The following OR4D2 variants were observed in gnomAD, a reference collection of about 807,000 sequenced individuals.
The protein encoded by OR4D2 is olfactory receptor family 4 subfamily D member 2.
In OR4D2, 9 loss-of-function variants were observed where a neutral mutation model predicts 12.4. The ratio of observed to expected loss-of-function variants is 0.73; its 90% CI spans 0.44 to 1.27. The LOEUF (loss-of-function observed/expected upper bound fraction) is 1.27. Among genes scored for constraint, OR4D2 ranks in the 50% most tolerant of loss-of-function variants. OR4D2 has a pLI of 0.00. For missense variants in OR4D2, 373 were observed against 381.6 expected, an observed-to-expected ratio of 0.98 and a Z score of 0.19; for synonymous variants, 151 against 151.1, an observed-to-expected ratio of 1.00 and a Z score of 0.01.
chr17:58,168,733 T>C (rs1040184032), intron 1 of OR4D2, among the ~76,000 whole-genome samples: 1 of 152,186 alleles, frequency 6.6e-6, no homozygotes, highest in Non-Finnish European at 1.5e-5. Flanking sequence ...CATACAATAT[T>C]CATCATCTAT....
rs201239359 is a variant in OR4D2 at position 58,170,362 on chromosome 17, C to A, written c.707C>A (p.Ala236Glu). ...RSHPGEARRK[A>E]ASTCTTHIIV... ...CATCCAGGGGAGGCAAGAAGGAAGG[C>A]AGCTTCCACCTGCACCACCCACATC... is the stretch of plus-strand genomic sequence containing the variant. The change falls in exon 2 of 2, where the codon GCA becomes GAA. Residue 236 changes from alanine (A) to glutamate (E), a missense_variant. By Grantham distance (107) the Ala-to-Glu change is moderately radical (BLOSUM62 -1). Transcript: ENST00000545221. The A allele has an allele frequency of 1.9e-6, 3 of 1,614,196 alleles. No homozygotes were observed. Among genetic ancestry groups the A allele is most frequent in the East Asian group, 4.5e-5 (2 of 44,886 alleles).
In OR4D2 at chr17:58,169,763, C is replaced by G. The variant is rs751574394; in HGVS notation, c.108C>G (p.Ile36Met). 2.5e-6 allele frequency: 4 copies of G among 1,613,926 alleles called. No individual in the cohort carries two copies. Among genetic ancestry groups the G allele is most frequent in the Non-Finnish European group, 3.4e-6 (4 of 1,179,802 alleles). The stretch of plus-strand genomic sequence containing the variant: ...TTCTAATGTTCCTGTTTGTCTACAT[C>G]ACCACTGTTATGGGAAACATCCTTA... ...FLFLMFLFVYITTVMGNILII... is the reference protein window; with the variant it reads ...FLFLMFLFVYMTTVMGNILII... The change falls in exon 2 of 2, where the codon ATC becomes ATG. Residue 36 changes from isoleucine to methionine, a missense_variant. Ile to Met is a conservative substitution (Grantham distance 10). Coordinates refer to ENST00000545221, the MANE Select transcript of OR4D2 (RefSeq NM_001004707.4).
chr17:58,170,088 G>A lies in OR4D2; in HGVS notation c.433G>A (p.Val145Met). The change falls in exon 2 of 2, where the codon GTG (valine) becomes ATG (methionine). Residue 145 changes from valine to methionine, a missense_variant. Physicochemically the swap from Val to Met is conservative, Grantham distance 21. Transcript: ENST00000545221. ...GAACACTCAGCTCTGGGTGGGGCTG[G>A]TGGTAGCCACCTGGGTGGGAGGCTT... ...VMNTQLWVGLVVATWVGGFVH... is the reference protein window; with the variant it reads ...VMNTQLWVGLMVATWVGGFVH... 3 of 1,614,136 alleles carry A rather than the reference G, an allele frequency of 1.9e-6. No individual in the cohort carries two copies. The highest frequency in any genetic ancestry group is 2.5e-6 in the Non-Finnish European group (3 of 1,180,038).
chr17:58,170,996 C>T lies in OR4D2; in HGVS notation c.*417C>T. The T allele has an allele frequency of 4.6e-6, 1 of 217,344 alleles. No homozygotes were observed. The highest frequency in any genetic ancestry group is 6.5e-5 in the South Asian group (1 of 15,390). 13.5% of individuals were successfully genotyped at this position (217,344 alleles called of 1,614,324 possible). ...AGTCTTAAGCTCTAAATTAGAGGCC[C>T]TGACCCATCATTGACCAAACTGATG... On this transcript the variant is annotated 3_prime_UTR_variant, in exon 2 of 2. Coordinates refer to ENST00000545221, the MANE Select transcript of OR4D2 (RefSeq NM_001004707.4).
At position 58,169,827 on chromosome 17, in the gene OR4D2, C is replaced by A; in HGVS notation, c.172C>A (p.Pro58Thr). 1 of 1,614,188 alleles carries A rather than the reference C, an allele frequency of 6.2e-7. No individual in the cohort carries two copies. Among genetic ancestry groups the A allele is most frequent in the South Asian group, 1.1e-5 (1 of 91,074 alleles). ...TVTSDSQLHTPMYFLLRNLAV... is the reference protein window; with the variant it reads ...TVTSDSQLHTTMYFLLRNLAV... Reference sequence around the variant, plus strand: ...GACCTCTGATTCCCAGCTCCACACACCCATGTACTTTCTGCTCCGAAACCT... The same window carrying A: ...GACCTCTGATTCCCAGCTCCACACAACCATGTACTTTCTGCTCCGAAACCT... The change falls in exon 2 of 2, where the codon CCC (proline) becomes ACC (threonine). Residue 58 changes from proline to threonine, a missense_variant. Physicochemically the swap from Pro to Thr is conservative, Grantham distance 38 (BLOSUM62 -1). Transcript: ENST00000545221.
At chr17:58,167,898 G>C (rs1784862849) in intron 1 of OR4D2, among the ~76,000 whole-genome samples, 1 of 151,020 alleles carries the variant, frequency 6.6e-6, no homozygotes, top group Admixed American at 6.6e-5. Context: ...AGCTACGCGG[G>C]AGGCTGAGGT....
At position 58,170,514 on chromosome 17, in the gene OR4D2, T is replaced by C; in HGVS notation, c.859T>C (p.Tyr287His). 2 of 1,614,184 alleles carry C rather than the reference T, an allele frequency of 1.2e-6. No homozygotes were observed. Among genetic ancestry groups the C allele is most frequent in the Non-Finnish European group, 1.7e-6 (2 of 1,180,014 alleles). Residue 287 changes from tyrosine to histidine, a missense_variant, in exon 2 of 2, where the codon TAT (tyrosine) becomes CAT (histidine). Tyr to His is a moderately conservative substitution (Grantham distance 83). Transcript: ENST00000545221. ...GACCCCCATGCTCAACCCCATGATC[T>C]ATACCCTGAGGAACCAGGACATGCA... ...VMTPMLNPMIYTLRNQDMQAA... is the reference protein window; with the variant it reads ...VMTPMLNPMIHTLRNQDMQAA...
Position 58,170,428 on chromosome 17 carries a change from A to G in OR4D2, c.773A>G (p.Tyr258Cys), listed in dbSNP as rs1427386197. 1.2e-6 allele frequency: 2 copies of G among 1,614,090 alleles called. No individual in the cohort carries two copies. Among genetic ancestry groups the G allele is most frequent in the Non-Finnish European group, 1.7e-6 (2 of 1,180,012 alleles). The change falls in exon 2 of 2, where the codon TAT becomes TGT. Residue 258 changes from tyrosine to cysteine, a missense_variant. By Grantham distance (194) the Tyr-to-Cys change is radical. Transcript: ENST00000545221. ...ATCTTCGTTCCAAGCATTTACCTCT[A>G]TGCCCGGCCCTTCACTCCATTCCCT... ...SMIFVPSIYLYARPFTPFPMD... is the reference protein window; with the variant it reads ...SMIFVPSIYLCARPFTPFPMD...
At chr17:58,167,823 C>A (rs754192528) in intron 1 of OR4D2, among the ~76,000 whole-genome samples, 22 of 151,302 alleles carry the variant, frequency 1.5e-4, no homozygotes, top group Non-Finnish European at 2.9e-4. Context: ...GACCATCCTG[C>A]TAACACAGTG....
chr17:58,169,638 G>A lies in OR4D2; in HGVS notation c.-18G>A, dbSNP rs371434315. The A allele has an allele frequency of 2.5e-6, 4 of 1,595,608 alleles. No individual in the cohort carries two copies. The highest frequency in any genetic ancestry group is 3.4e-6 in the Non-Finnish European group (4 of 1,163,268). ...TGTGTCTGTGGTTCATTTTCTTCAG[G>A]TGTATGGAGAAAACACCATGGAAAC... On this transcript the variant is annotated splice_region_variant and 5_prime_UTR_variant, in exon 2 of 2. In the 5' UTR this introduces an upstream ATG that the reference lacks. Coordinates refer to ENST00000545221, the MANE Select transcript of OR4D2 (RefSeq NM_001004707.4).
chr17:58,169,607 T>C, intron 1 of OR4D2, 31 bp from the exon 2 acceptor site: 1 of 1,463,718 alleles, frequency 6.8e-7, no homozygotes, highest in Admixed American at 1.7e-5. Context: ...AGTGACTTCA[T>C]GTATCTGTGT....
chr17:58,169,573 C>A, intron 1 of OR4D2, 65 bp from the exon 2 acceptor site: 1 of 1,115,932 alleles, frequency 9.0e-7, no homozygotes. Flanking sequence ...TGGTTCTGAG[C>A]CCCTGAGCCC....
chr17:58,170,240 G>A lies in OR4D2; in HGVS notation c.585G>A (p.Leu195=). 4 of 1,614,116 alleles carry A rather than the reference G, an allele frequency of 2.5e-6. No homozygotes were observed. The highest frequency in any genetic ancestry group is 3.4e-6 in the Non-Finnish European group (4 of 1,179,988). The change falls in exon 2 of 2, where the codon CTG becomes CTA. Residue 195 remains leucine, a synonymous_variant. Transcript: ENST00000545221. The part of the protein sequence containing the change: ...LRLACTDTSL[L]EFLKISNSGL... The stretch of plus-strand genomic sequence containing the variant: ...TTGCCTGCACTGACACCTCACTGCT[G>A]GAGTTCCTCAAGATCTCCAACAGTG...
intron 1 of OR4D2, among the ~76,000 whole-genome samples, chr17:58,167,577 T>A (rs1412726272): frequency 6.6e-6 from 1 of 152,186 alleles, no homozygotes; most frequent in Non-Finnish European, 1.5e-5. Context: ...AGGTATGTTT[T>A]TCCACCCTCA....
Position 58,170,294 on chromosome 17 carries a change from C to G in OR4D2, c.639C>G (p.Leu213=), listed in dbSNP as rs771733761. 1 of 1,614,214 alleles carries G rather than the reference C, an allele frequency of 6.2e-7. No homozygotes were observed. Among genetic ancestry groups the G allele is most frequent in the Non-Finnish European group, 8.5e-7 (1 of 1,180,024 alleles). Residue 213 remains leucine (L), a synonymous_variant, in exon 2 of 2, where the codon CTC becomes CTG. Coordinates refer to ENST00000545221, the MANE Select transcript of OR4D2 (RefSeq NM_001004707.4). The part of the protein sequence containing the change: ...SGLLDVVWFF[L]LLMSYLFILV... ...TGCTGGATGTCGTCTGGTTCTTCCT[C>G]CTCCTGATGTCCTACTTATTCATCC... is the stretch of plus-strand genomic sequence containing the variant.
chr17:58,170,457 G>T lies in OR4D2; in HGVS notation c.802G>T (p.Asp268Tyr). 1 of 1,614,150 alleles carries T rather than the reference G, an allele frequency of 6.2e-7. No homozygotes were observed. Among genetic ancestry groups the T allele is most frequent in the Non-Finnish European group, 8.5e-7 (1 of 1,180,044 alleles). ...YARPFTPFPM[D>Y]KLVSIGHTVM... The stretch of plus-strand genomic sequence containing the variant: ...CCGGCCCTTCACTCCATTCCCTATG[G>T]ACAAGCTTGTGTCCATCGGCCACAC... The change falls in exon 2 of 2, where the codon GAC becomes TAC. Residue 268 changes from aspartate to tyrosine, a missense_variant. Coordinates refer to ENST00000545221, the MANE Select transcript of OR4D2 (RefSeq NM_001004707.4).
intron 1 of OR4D2, among the ~76,000 whole-genome samples, chr17:58,167,935 G>C (rs1967908968): frequency 6.9e-6 from 1 of 145,848 alleles, no homozygotes; most frequent in African/African-American, 2.6e-5. Context: ...CCCGGGAGGC[G>C]GAGCTTGCAG....
In OR4D2 at chr17:58,170,105, G is replaced by A. The variant is rs758862033; in HGVS notation, c.450G>A (p.Val150=). 2.5e-6 allele frequency: 4 copies of A among 1,614,064 alleles called. No individual in the cohort carries two copies. In the South Asian group the frequency reaches 4.4e-5, roughly 18 times the overall value. ...LWVGLVVATW[V]GGFVHSIVQL... The stretch of plus-strand genomic sequence containing the variant: ...TGGGGCTGGTGGTAGCCACCTGGGT[G>A]GGAGGCTTTGTCCACTCTATTGTCC... The change falls in exon 2 of 2, where the codon GTG becomes GTA. Residue 150 remains valine (V), a synonymous_variant. Coordinates refer to ENST00000545221, the MANE Select transcript of OR4D2 (RefSeq NM_001004707.4).
intron 1 of OR4D2, among the ~76,000 whole-genome samples, chr17:58,167,597 C>T (rs73323531): frequency 0.018 from 2,805 of 152,190 alleles, 74 homozygotes; most frequent in African/African-American, 0.064. Flanking sequence ...AGTTTATCCA[C>T]AGAGCATTTT....
Sources: allele counts gnomAD v4.1 joint callset (sites outside exome capture counted in the v4.1 genomes callset), GRCh38; gene constraint gnomAD v4.1.1; transcripts MANE v1.5; gene names NCBI Gene and HGNC (gene_info 2026-07-23, HGNC 2026-07-21).